COG5: variants seen among roughly 807,000 people sequenced by gnomAD.
COG5 encodes conserved oligomeric Golgi complex subunit 5.
Under a neutral mutation model 110.4 loss-of-function variants are expected in COG5, and 86 were observed. That is an observed-to-expected ratio of 0.78 (90% CI 0.65 to 0.93). The LOEUF (loss-of-function observed/expected upper bound fraction) is 0.93, where lower values mean the gene tolerates loss of function less well. Ranked by LOEUF, COG5 falls within the 40% of genes least tolerant of loss-of-function variation. COG5 has a pLI of 0.00. For missense variants in COG5, 1,077 were observed against 987.0 expected, an observed-to-expected ratio of 1.09 and a Z score of -1.22; for synonymous variants, 360 against 334.6, an observed-to-expected ratio of 1.08 and a Z score of -0.83.
At chr7:107,351,232 G>T (rs1443411568) in intron 10 of COG5, among the ~76,000 whole-genome samples, 1 of 152,134 alleles carries the variant, frequency 6.6e-6, no homozygotes, top group Admixed American at 6.5e-5. Context: ...TTAATAAATG[G>T]TGCTGGGAAA....
At chr7:107,454,569 A>G (rs1795546355) in intron 6 of COG5, among the ~76,000 whole-genome samples, 1 of 152,206 alleles carries the variant, frequency 6.6e-6, no homozygotes, top group Non-Finnish European at 1.5e-5. Context: ...TATAAGGATG[A>G]TCCTGAAGAA....
intron 18 of COG5, among the ~76,000 whole-genome samples, chr7:107,233,231 G>A (rs1237556195): frequency 6.6e-6 from 1 of 152,166 alleles, no homozygotes; most frequent in Non-Finnish European, 1.5e-5. Flanking sequence ...TGCTTCAGAG[G>A]ACACTGTGGG....
chr7:107,319,680 A>C (rs1809081846), intron 11 of COG5, among the ~76,000 whole-genome samples: 1 of 152,348 alleles, frequency 6.6e-6, no homozygotes, highest in South Asian at 2.1e-4. Flanking sequence ...GGGAAGTAAA[A>C]GTCCATTAAA....
chr7:107,236,850 CAA>C (rs1801231779), intron 17 of COG5, among the ~76,000 whole-genome samples, 163 bp from the exon 18 acceptor site: 1 of 152,156 alleles, frequency 6.6e-6, no homozygotes, highest in Non-Finnish European at 1.5e-5. Flanking sequence ...TAGCAGAAAA[CAA>C]TGTTTAAAAA....
chr7:107,237,974 A>T (rs561981738), intron 17 of COG5, among the ~76,000 whole-genome samples: 1 of 152,248 alleles, frequency 6.6e-6, no homozygotes, highest in East Asian at 1.9e-4. Flanking sequence ...AATCTATTTC[A>T]TTTTTTTAAT....
At chr7:107,317,817 A>T (rs1435779961) in intron 11 of COG5, among the ~76,000 whole-genome samples, 1 of 152,232 alleles carries the variant, frequency 6.6e-6, no homozygotes, top group African/African-American at 2.4e-5. Context: ...ACCCGGAATT[A>T]ACATAGATGT....
At chr7:107,528,330 C>A (rs1800924980) in intron 5 of COG5, among the ~76,000 whole-genome samples, 1 of 152,100 alleles carries the variant, frequency 6.6e-6, no homozygotes, top group Non-Finnish European at 1.5e-5. Flanking sequence ...CTCAGGTGAA[C>A]CTCCCACATC....
intron 3 of COG5, among the ~76,000 whole-genome samples, chr7:107,553,027 GCA>G (rs1803039651): frequency 1.3e-5 from 2 of 152,112 alleles, no homozygotes; most frequent in Admixed American, 6.5e-5. Flanking sequence ...ATCAAATACT[GCA>G]CAGTCTCACT....
chr7:107,412,630 A>C lies in COG5; in HGVS notation c.541T>G (p.Tyr181Asp). 1 of 1,514,506 alleles carries C rather than the reference A, an allele frequency of 6.6e-7. No individual in the cohort carries two copies. Among genetic ancestry groups the C allele is most frequent in the Non-Finnish European group, 9.1e-7 (1 of 1,093,048 alleles). The allele number at this position is 1,514,506 out of a possible 1,614,324, so 93.8% of individuals were successfully genotyped here. The change falls in exon 7 of 22, where the codon TAT becomes GAT. Residue 181 changes from tyrosine (Y) to aspartate (D), a missense_variant and splice_region_variant. By Grantham distance (160) the Tyr-to-Asp change is radical. Coordinates refer to ENST00000297135, the MANE Select transcript of COG5 (RefSeq NM_006348.5). Reference sequence around the variant, plus strand: ...GAAAGATCTATTCCTTGAGAAAGATAATCTGTTTAAAACAAAAACATACAC... The same window carrying C: ...GAAAGATCTATTCCTTGAGAAAGATCATCTGTTTAAAACAAAAACATACAC... The part of the protein sequence containing the change: ...KAAQSLNELD[Y>D]LSQGIDLSGI...
chr7:107,502,448 T>C (rs1256515713), intron 6 of COG5, among the ~76,000 whole-genome samples: 1 of 152,172 alleles, frequency 6.6e-6, no homozygotes, highest in African/African-American at 2.4e-5. Context: ...GGGTTCCATA[T>C]CTTTGAAATT....
At chr7:107,441,287 AT>A (rs1251768116) in intron 6 of COG5, among the ~76,000 whole-genome samples, 1 of 151,136 alleles carries the variant, frequency 6.6e-6, no homozygotes, top group East Asian at 1.9e-4. Flanking sequence ...AGAATTACCA[AT>A]CCTGAGGAGG....
intron 5 of COG5, among the ~76,000 whole-genome samples, chr7:107,543,641 C>T (rs1802212684): frequency 6.6e-6 from 1 of 152,148 alleles, no homozygotes; most frequent in East Asian, 1.9e-4. Flanking sequence ...AGCACCAGGC[C>T]AGCCCCTGAA....
At position 107,503,277 on chromosome 7, in the gene COG5, T is replaced by G. The variant is rs773454387; in HGVS notation, c.538+23960A>C. Among the ~76,000 whole-genome samples, 5 of 152,306 alleles carry G rather than the reference T, an allele frequency of 3.3e-5. No homozygotes were observed. The East Asian group carries it at 9.7e-4, about 29-fold the overall frequency. On this transcript the variant is annotated intron_variant, in intron 6 of 21. Transcript: ENST00000297135. ...GGTGTTCTTTCCCCAATTTATGTTT[T>G]TGATGCTTTGTTGAAGATCACTTGG... is the stretch of plus-strand genomic sequence containing the variant.
chr7:107,277,666 T>C (rs1804805368), intron 14 of COG5, among the ~76,000 whole-genome samples: 1 of 152,188 alleles, frequency 6.6e-6, no homozygotes, highest in Non-Finnish European at 1.5e-5. Flanking sequence ...AATGAAATAA[T>C]ATATATAAAT....
At chr7:107,244,863 C>T (rs1300911478) in intron 17 of COG5, among the ~76,000 whole-genome samples, 2 of 152,058 alleles carry the variant, frequency 1.3e-5, no homozygotes, top group Non-Finnish European at 2.9e-5. Flanking sequence ...TGAATTTTAC[C>T]ATATGTAAAA....
chr7:107,244,002 T>G (rs1801859560), intron 17 of COG5, among the ~76,000 whole-genome samples: 1 of 152,088 alleles, frequency 6.6e-6, no homozygotes, highest in East Asian at 1.9e-4. Context: ...ATCCCAGCAC[T>G]TAGGGAGGCT....
intron 14 of COG5, among the ~76,000 whole-genome samples, chr7:107,270,278 G>A (rs7800443): frequency 0.18 from 23,851 of 134,436 alleles, 2,311 homozygotes; most frequent in Non-Finnish European, 0.23. Flanking sequence ...TTTTTTTTCT[G>A]AGACAGGACA....
intron 6 of COG5, among the ~76,000 whole-genome samples, chr7:107,525,053 G>A (rs1448429148): frequency 6.6e-6 from 1 of 151,954 alleles, no homozygotes; most frequent in Non-Finnish European, 1.5e-5. Flanking sequence ...TCAGCCTCCT[G>A]AGTAGCTGGA....
rs941110174 is a variant in COG5 at position 107,367,736 on chromosome 7, G to A, written c.835+4859C>T. 1.3e-5 allele frequency among the ~76,000 whole-genome samples: 2 copies of A among 152,006 alleles called. 1 individual carries two copies. The highest frequency in any genetic ancestry group is 1.3e-4 in the Admixed American group (2 of 15,252). On this transcript the variant is annotated intron_variant, in intron 8 of 21. Coordinates refer to ENST00000297135, the MANE Select transcript of COG5 (RefSeq NM_006348.5). ...CACTTATAAGTGGGAGCTAAGCTAT[G>A]GGTACAAAAAGACAGAGTGGTATAA...
Sources: allele counts gnomAD v4.1 joint callset (sites outside exome capture counted in the v4.1 genomes callset), GRCh38; gene constraint gnomAD v4.1.1; transcripts MANE v1.5; gene names NCBI Gene and HGNC (gene_info 2026-07-23, HGNC 2026-07-21).